Variants in TGFBR3 observed in about 807,000 individuals in gnomAD.
The protein encoded by TGFBR3 is transforming growth factor beta receptor type 3.
Under a neutral mutation model 87.9 loss-of-function variants are expected in TGFBR3, and 46 were observed. The observed-to-expected ratio is 0.52, with a 90% CI of 0.41 to 0.67. TGFBR3 has a LOEUF of 0.67. TGFBR3 is among the 30% of genes least tolerant of loss of function. The pLI is 0.00. For synonymous variants in TGFBR3, 381 were observed against 391.6 expected, an observed-to-expected ratio of 0.97 and a Z score of 0.32; for missense variants, 866 against 1,041.9, an observed-to-expected ratio of 0.83 and a Z score of 2.32.
chr1:91,705,317 CA>C (rs1424360299), intron 14 of TGFBR3, among the ~76,000 whole-genome samples: 1 of 151,620 alleles, frequency 6.6e-6, no homozygotes, highest in East Asian at 1.9e-4. Flanking sequence ...CTCTGCTTCC[CA>C]GGTTTAGGCA....
intron 16 of TGFBR3, among the ~76,000 whole-genome samples, chr1:91,689,779 G>A (rs972438469): frequency 1.4e-5 from 2 of 141,548 alleles, no homozygotes; most frequent in Non-Finnish European, 3.0e-5. Flanking sequence ...TTCTCGCTAC[G>A]TAAAAAGGAA....
At chr1:91,775,428 T>C (rs1041186901) in intron 3 of TGFBR3, among the ~76,000 whole-genome samples, 1 of 152,218 alleles carries the variant, frequency 6.6e-6, no homozygotes, top group African/African-American at 2.4e-5. Context: ...GGCCCTTTAT[T>C]TGGCCTCTTC....
In TGFBR3 at chr1:91,871,042, C is replaced by CA. The variant is rs58335918; in HGVS notation, c.-113-9399dup. Among the ~76,000 whole-genome samples the CA allele has an allele frequency of 5.6e-3, 733 of 130,090 alleles. 4 individuals carry two copies. Among genetic ancestry groups the CA allele is most frequent in the African/African-American group, 0.011 (380 of 35,516 alleles). The allele number at this position is 130,090 out of a possible 152,430, so 85.3% of individuals were successfully genotyped here. On this transcript the variant is annotated intron_variant, in intron 1 of 16. Transcript: ENST00000212355. ...ACAGAGTGGGACTCTGCTCTGTCAC[C>CA]AAAAAAAAAAAAAAGATGCTAAGCA...
At chr1:91,713,131 T>C (rs534825551) in intron 12 of TGFBR3, among the ~76,000 whole-genome samples, 1 of 152,220 alleles carries the variant, frequency 6.6e-6, no homozygotes, top group African/African-American at 2.4e-5. Context: ...GAGGCCATCA[T>C]GGGCCTGGTA....
rs191046556 is a variant in TGFBR3 at position 91,749,121 on chromosome 1, C to T, written c.384+9492G>A. On this transcript the variant is annotated intron_variant, in intron 4 of 16. Transcript: ENST00000212355. ...AAACTGCAAGAAAAGGATATAAAAA[C>T]CCTGTTTTAATGGATTGGGGCAGGC... Among the ~76,000 whole-genome samples, 12 of 152,204 alleles carry T rather than the reference C, an allele frequency of 7.9e-5. No homozygotes were observed. In the East Asian group the frequency reaches 1.7e-3, roughly 22 times the overall value.
chr1:91,753,976 C>T (rs957759683), intron 4 of TGFBR3, among the ~76,000 whole-genome samples: 2 of 152,144 alleles, frequency 1.3e-5, no homozygotes, highest in South Asian at 4.1e-4. Context: ...ACATTCCCAC[C>T]AGCAATGTAT....
intron 2 of TGFBR3, among the ~76,000 whole-genome samples, chr1:91,853,406 C>A (rs1413879937): frequency 6.6e-6 from 1 of 151,952 alleles, no homozygotes; most frequent in Non-Finnish European, 1.5e-5. Context: ...AGCCTTCCTG[C>A]CCTTATGAGT....
In TGFBR3 at chr1:91,901,533, AAT is replaced by A. The variant is rs1221741997; in HGVS notation, c.-174-1838_-174-1837del. 3.6e-4 allele frequency among the ~76,000 whole-genome samples: 55 copies of A among 152,302 alleles called. 1 individual carries two copies. Among genetic ancestry groups the A allele is most frequent in the African/African-American group, 1.3e-3 (54 of 41,566 alleles). ...TAGCATTGTACATTCTCATATTACA[AAT>A]GTTATTGTATACTATTATATATTAT... On this transcript the variant is annotated intron_variant, in intron 1 of 17. Coordinates refer to the TGFBR3 transcript ENST00000370399.
chr1:91,850,080 C>CAAAAAAAAAAAA (rs376631972), intron 2 of TGFBR3, among the ~76,000 whole-genome samples: 1 of 52,156 alleles, frequency 1.9e-5, no homozygotes, highest in African/African-American at 6.7e-5. Context: ...GACTCCATCT[C>CAAAAAAAAAAAA]AAAAAAAAAA....
At chr1:91,901,435 A>G (rs1293556675) in intron 1 of TGFBR3, among the ~76,000 whole-genome samples, 1 of 152,232 alleles carries the variant, frequency 6.6e-6, no homozygotes, top group Non-Finnish European at 1.5e-5. Context: ...TCTCTATGCA[A>G]TAGGCTGATT....
intron 2 of TGFBR3, among the ~76,000 whole-genome samples, chr1:91,825,648 A>G (rs1377748674): frequency 1.3e-5 from 2 of 152,252 alleles, no homozygotes; most frequent in South Asian, 2.1e-4. Context: ...TTATATCTCA[A>G]TAAACTTGTT....
intron 2 of TGFBR3, among the ~76,000 whole-genome samples, chr1:91,847,517 C>T (rs1254469032): frequency 6.6e-6 from 1 of 150,390 alleles, no homozygotes; most frequent in Non-Finnish European, 1.5e-5. Context: ...GCAGGAGAAT[C>T]GCTTGAACCC....
intron 3 of TGFBR3, among the ~76,000 whole-genome samples, chr1:91,764,661 C>T (rs866332848): frequency 1.2e-4 from 18 of 152,138 alleles, no homozygotes; most frequent in Admixed American, 3.3e-4. Context: ...CCTCAGCAGG[C>T]CACTACTGAT....
chr1:91,696,470 T>A (rs528870521), intron 15 of TGFBR3, among the ~76,000 whole-genome samples: 8 of 152,206 alleles, frequency 5.3e-5, no homozygotes, highest in Admixed American at 6.5e-5. Context: ...TACTTCCCAG[T>A]GGGGAGTGAT....
At chr1:91,865,960 A>G (rs1678383827) in intron 1 of TGFBR3, among the ~76,000 whole-genome samples, 1 of 152,154 alleles carries the variant, frequency 6.6e-6, no homozygotes, top group Non-Finnish European at 1.5e-5. Context: ...TGGGTTTAAA[A>G]AAAAAGCAAA....
chr1:91,687,805 C>T (rs1327053454), intron 16 of TGFBR3, among the ~76,000 whole-genome samples: 1 of 152,142 alleles, frequency 6.6e-6, no homozygotes, highest in Non-Finnish European at 1.5e-5. Flanking sequence ...ATGGAATCTC[C>T]TTCTCAGGAG....
At chr1:91,751,311 G>A (rs1673533737) in intron 4 of TGFBR3, among the ~76,000 whole-genome samples, 1 of 152,138 alleles carries the variant, frequency 6.6e-6, no homozygotes, top group Non-Finnish European at 1.5e-5. Context: ...GAATGTCTGA[G>A]TTATTCTTAG....
At chr1:91,820,513 C>T (rs1676406701) in intron 2 of TGFBR3, among the ~76,000 whole-genome samples, 1 of 152,144 alleles carries the variant, frequency 6.6e-6, no homozygotes, top group Non-Finnish European at 1.5e-5. Context: ...GAAACCCCGT[C>T]TGTACTAAAA....
At position 91,849,634 on chromosome 1, in the gene TGFBR3, C is replaced by T. The variant is rs185507299; in HGVS notation, c.61+11837G>A. On this transcript the variant is annotated intron_variant, in intron 2 of 16. Transcript: ENST00000212355. Reference sequence around the variant, plus strand: ...CATTTTGTTTGTTTCTGGTCTCTCTCCACTAGAGACATGCTTCATAAGGAC... The same window carrying T: ...CATTTTGTTTGTTTCTGGTCTCTCTTCACTAGAGACATGCTTCATAAGGAC... 5.3e-5 allele frequency among the ~76,000 whole-genome samples: 8 copies of T among 152,296 alleles called. No individual in the cohort carries two copies. The East Asian group carries it at 1.5e-3, about 29-fold the overall frequency.
Sources: allele counts gnomAD v4.1 joint callset (sites outside exome capture counted in the v4.1 genomes callset), GRCh38; gene constraint gnomAD v4.1.1; transcripts MANE v1.5; gene names NCBI Gene and HGNC (gene_info 2026-07-23, HGNC 2026-07-21).